Variants in GNB4 observed in about 807,000 individuals in gnomAD.
GNB4 encodes the protein guanine nucleotide-binding protein subunit beta-4.
GNB4 carries 28 observed loss-of-function variants against 45.2 expected under a neutral mutation model. The ratio of observed to expected loss-of-function variants is 0.62; its 90% CI spans 0.46 to 0.85. The LOEUF (loss-of-function observed/expected upper bound fraction) is 0.85, where lower values mean the gene tolerates loss of function less well. Among genes scored for constraint, GNB4 ranks in the 40% least tolerant of loss-of-function variants. GNB4 has a pLI of 0.00. For synonymous variants in GNB4, 132 were observed against 143.7 expected (o/e 0.92, Z 0.58); for missense variants, 321 against 425.4 (o/e 0.75, Z 2.16).
intron 4 of GNB4, among the ~76,000 whole-genome samples, chr3:179,418,185 C>T (rs746271991): frequency 1.3e-5 from 2 of 151,928 alleles, no homozygotes; most frequent in Non-Finnish European, 2.9e-5. Context: ...ATAAGACATT[C>T]GGCCAGGCGC....
At chr3:179,473,677 T>C in the GNB4 span, among the ~76,000 whole-genome samples, 1 of 152,190 alleles carries the variant, frequency 6.6e-6, no homozygotes, top group African/African-American at 2.4e-5. Context: ...AACAGACCGT[T>C]CTGTTTCTCT....
At chr3:179,417,300 A>AAAAT (rs1714828197) in intron 4 of GNB4, among the ~76,000 whole-genome samples, 1 of 152,222 alleles carries the variant, frequency 6.6e-6, no homozygotes, top group Non-Finnish European at 1.5e-5. Context: ...AGAAAATGGA[A>AAAAT]AAATAAGTTG....
intron 1 of GNB4, among the ~76,000 whole-genome samples, chr3:179,443,162 T>C (rs1715635449): frequency 1.3e-5 from 2 of 152,342 alleles, no homozygotes; most frequent in Non-Finnish European, 2.9e-5. Context: ...CTCCGCTTCA[T>C]AGGACAAAAT....
At chr3:179,441,677 G>A (rs1022346567) in intron 1 of GNB4, among the ~76,000 whole-genome samples, 1 of 150,988 alleles carries the variant, frequency 6.6e-6, no homozygotes, top group Non-Finnish European at 1.5e-5. Context: ...GTTTGAACCC[G>A]GGAGGCAGAG....
At chr3:179,512,707 CAAT>C in the GNB4 span, among the ~76,000 whole-genome samples, 1 of 152,252 alleles carries the variant, frequency 6.6e-6, no homozygotes, top group African/African-American at 2.4e-5. Context: ...AAAAAACTAA[CAAT>C]AGTTTTATGT....
intron 4 of GNB4, among the ~76,000 whole-genome samples, chr3:179,417,151 T>C (rs1714822735): frequency 1.3e-5 from 2 of 151,756 alleles, no homozygotes; most frequent in African/African-American, 4.8e-5. Flanking sequence ...AGAGAATGAG[T>C]CTTGAAAGAA....
chr3:179,432,599 G>T (rs1007907949), intron 1 of GNB4, among the ~76,000 whole-genome samples: 2 of 152,194 alleles, frequency 1.3e-5, no homozygotes, highest in African/African-American at 4.8e-5. Context: ...TTGAAGGTAA[G>T]GATCCAAAGT....
Position 179,399,192 on chromosome 3 carries a change from G to C in GNB4, c.*2021C>G, listed in dbSNP as rs1714209776. ...CTACAAATAAACATTAATAGCAAAA[G>C]TTCATATAATTTTTTTTTTTTCCAA... On this transcript the variant is annotated 3_prime_UTR_variant, in exon 10 of 10. Transcript: ENST00000232564. 6.6e-6 allele frequency: 1 copy of C among 151,782 alleles called. No homozygotes were observed. The highest frequency in any genetic ancestry group is 1.5e-5 in the Non-Finnish European group (1 of 67,974). 9.4% of individuals were successfully genotyped at this position (151,782 alleles called of 1,614,324 possible). A position where few individuals can be genotyped will look rare whatever the true frequency, so the allele number is the denominator to read the frequency against.
chr3:179,414,614 T>C lies in GNB4; in HGVS notation c.430+271A>G, dbSNP rs545611093. Among the ~76,000 whole-genome samples, 17 of 152,316 alleles carry C rather than the reference T, an allele frequency of 1.1e-4. 1 individual carries two copies. Among genetic ancestry groups the C allele is most frequent in the Middle Eastern group, 6.8e-3 (2 of 294 alleles). On this transcript the variant is annotated intron_variant, in intron 6 of 9. Coordinates refer to ENST00000232564, the MANE Select transcript of GNB4 (RefSeq NM_021629.4). ...ATATGGCAGCAGAAAATGGAGAACATTTTATTTGCTTTATTTTTCATGAGT... is the reference window on the plus strand; with the variant it reads ...ATATGGCAGCAGAAAATGGAGAACACTTTATTTGCTTTATTTTTCATGAGT...
intron 2 of GNB4, among the ~76,000 whole-genome samples, chr3:179,421,535 A>C (rs1714980157): frequency 6.6e-6 from 1 of 152,224 alleles, no homozygotes; most frequent in African/African-American, 2.4e-5. Flanking sequence ...ACTTTTTTCC[A>C]CAAAGGTTAT....
At chr3:179,466,016 T>G in the GNB4 span, among the ~76,000 whole-genome samples, 1,077 of 146,270 alleles carry the variant, frequency 7.4e-3, 10 homozygotes, top group South Asian at 0.022. Flanking sequence ...CGTTTTTTTT[T>G]TTTTTTTTTT....
chr3:179,408,132 C>T (rs972830274), intron 8 of GNB4, among the ~76,000 whole-genome samples: 4 of 151,934 alleles, frequency 2.6e-5, no homozygotes, highest in Non-Finnish European at 5.9e-5. Context: ...GTAAAATTCA[C>T]AATGTCTGGT....
the GNB4 span, among the ~76,000 whole-genome samples, chr3:179,466,664 T>C: frequency 6.6e-6 from 1 of 152,192 alleles, no homozygotes; most frequent in South Asian, 2.1e-4. Flanking sequence ...GACCAAAATT[T>C]TATTGAATTA....
At chr3:179,479,349 T>C in the GNB4 span, among the ~76,000 whole-genome samples, 1 of 152,198 alleles carries the variant, frequency 6.6e-6, no homozygotes, top group Non-Finnish European at 1.5e-5. Context: ...TTCCCAGAAA[T>C]TGACCAAACT....
chr3:179,411,332 A>T (rs892015907), intron 8 of GNB4, among the ~76,000 whole-genome samples: 1 of 152,164 alleles, frequency 6.6e-6, no homozygotes. Context: ...ATAAAAATAT[A>T]ATGAAGTTGG....
the GNB4 span, among the ~76,000 whole-genome samples, chr3:179,512,079 C>T: frequency 7.9e-5 from 12 of 152,322 alleles, no homozygotes; most frequent in East Asian, 2.3e-3. Flanking sequence ...TCCTACTGCC[C>T]TAAAACTCTG....
At chr3:179,416,888 GA>G (rs1353605490) in intron 4 of GNB4, among the ~76,000 whole-genome samples, 2 of 152,120 alleles carry the variant, frequency 1.3e-5, no homozygotes, top group African/African-American at 4.8e-5. Context: ...TTCATGACAA[GA>G]ATGTACATAG....
chr3:179,502,867 C>G, the GNB4 span, among the ~76,000 whole-genome samples: 9 of 152,090 alleles, frequency 5.9e-5, no homozygotes, highest in South Asian at 1.7e-3. Flanking sequence ...AGAGATAGAG[C>G]CTTGCTCTGT....
At chr3:179,408,444 T>C (rs1375680675) in intron 8 of GNB4, among the ~76,000 whole-genome samples, 2 of 152,096 alleles carry the variant, frequency 1.3e-5, no homozygotes, top group Non-Finnish European at 2.9e-5. Flanking sequence ...AGTGGTTTAA[T>C]GTCTATGTAA....
Sources: allele counts gnomAD v4.1 joint callset (sites outside exome capture counted in the v4.1 genomes callset), GRCh38; gene constraint gnomAD v4.1.1; transcripts MANE v1.5; gene names NCBI Gene and HGNC (gene_info 2026-07-23, HGNC 2026-07-21).